EBF1: variants seen among roughly 807,000 people sequenced by gnomAD.
EBF1 encodes the protein EBF transcription factor 1, also known as transcription factor COE1.
In EBF1, 10 loss-of-function variants were observed where a neutral mutation model predicts 68.4. That is an observed-to-expected ratio of 0.15 (90% CI 0.09 to 0.25). EBF1 has a LOEUF of 0.25. Ranked by LOEUF, EBF1 falls within the 10% of genes least tolerant of loss-of-function variation. The pLI is 1.00. For missense variants in EBF1, 509 were observed against 794.4 expected, an observed-to-expected ratio of 0.64 and a Z score of 4.32; for synonymous variants, 298 against 299.8, an observed-to-expected ratio of 0.99 and a Z score of 0.06.
Position 158,703,739 on chromosome 5 carries a change from T to C in EBF1, c.1744+4240A>G, listed in dbSNP as rs1040711965. Among the ~76,000 whole-genome samples, 27 of 152,190 alleles carry C rather than the reference T, an allele frequency of 1.8e-4. 1 individual carries two copies. The highest frequency in any genetic ancestry group is 5.1e-4 in the African/African-American group (21 of 41,450). On this transcript the variant is annotated intron_variant, in intron 15 of 15. Transcript: ENST00000313708. ...CCGCATGTTATCCAGGACATGTCTG[T>C]CTCTGCTTCTTGGCTAAGGTTGTCC...
At chr5:159,029,360 G>C (rs973552674) in intron 6 of EBF1, among the ~76,000 whole-genome samples, 2 of 152,198 alleles carry the variant, frequency 1.3e-5, no homozygotes, top group African/African-American at 4.8e-5. Context: ...TATGCATTGA[G>C]AGCCATGAAA....
intron 6 of EBF1, among the ~76,000 whole-genome samples, chr5:159,054,030 G>T (rs192820307): frequency 6.6e-6 from 1 of 152,188 alleles, no homozygotes; most frequent in Non-Finnish European, 1.5e-5. Flanking sequence ...GTCATTAATC[G>T]TTACCGAATT....
At chr5:158,743,839 T>G (rs1346159678) in intron 10 of EBF1, among the ~76,000 whole-genome samples, 2 of 151,972 alleles carry the variant, frequency 1.3e-5, no homozygotes, top group East Asian at 3.9e-4. Context: ...TGCCAGAAGA[T>G]CTAGGTAAAA....
intron 6 of EBF1, among the ~76,000 whole-genome samples, chr5:159,027,930 C>A (rs1239791413): frequency 6.6e-6 from 1 of 152,162 alleles, no homozygotes; most frequent in Non-Finnish European, 1.5e-5. Flanking sequence ...CATTTACTCT[C>A]TTCTGGAAAA....
chr5:158,873,732 C>A (rs1385792801), intron 6 of EBF1, among the ~76,000 whole-genome samples: 1 of 152,136 alleles, frequency 6.6e-6, no homozygotes, highest in Admixed American at 6.5e-5. Context: ...AGATTCCCAC[C>A]AAACAAGGAC....
chr5:159,048,282 A>G lies in EBF1; in HGVS notation c.554+25114T>C, dbSNP rs149113757. Among the ~76,000 whole-genome samples, 21 of 152,336 alleles carry G rather than the reference A, an allele frequency of 1.4e-4. No individual in the cohort carries two copies. The East Asian group carries it at 3.3e-3, about 24-fold the overall frequency. Reference sequence around the variant, plus strand: ...GATGGACTATCAAGCTTCCCTCCCCATAGGAACTTTACACTCAGCTTCTAT... The same window carrying G: ...GATGGACTATCAAGCTTCCCTCCCCGTAGGAACTTTACACTCAGCTTCTAT... On this transcript the variant is annotated intron_variant, in intron 6 of 15. Transcript: ENST00000313708.
At chr5:159,078,549 C>G (rs549158177) in intron 5 of EBF1, among the ~76,000 whole-genome samples, 1 of 152,282 alleles carries the variant, frequency 6.6e-6, no homozygotes, top group East Asian at 1.9e-4. Flanking sequence ...GGGCACTGTA[C>G]CAGGCACAGA....
In EBF1 at chr5:158,697,411, T is replaced by A. The variant is rs1317809592; in HGVS notation, c.*1700A>T. 1 of 205,906 alleles carries A rather than the reference T, an allele frequency of 4.9e-6. No individual in the cohort carries two copies. Among genetic ancestry groups the A allele is most frequent in the African/African-American group, 2.3e-5 (1 of 43,738 alleles). The allele number at this position is 205,906 out of a possible 1,614,324, so 12.8% of individuals were successfully genotyped here. On this transcript the variant is annotated 3_prime_UTR_variant, in exon 16 of 16. Transcript: ENST00000313708. ...ACTAAAAATAACTATAAATGAAATG[T>A]TTAAAAATCACATTGAAACAGCTAA...
intron 4 of EBF1, among the ~76,000 whole-genome samples, chr5:159,090,531 G>A (rs898775729): frequency 1.2e-4 from 18 of 152,246 alleles, no homozygotes; most frequent in South Asian, 4.1e-4. Flanking sequence ...GGAAAGTTGC[G>A]AAGGAATGAT....
intron 8 of EBF1, among the ~76,000 whole-genome samples, chr5:158,818,531 A>G (rs975221414): frequency 6.6e-6 from 1 of 152,162 alleles, no homozygotes; most frequent in African/African-American, 2.4e-5. Flanking sequence ...ACCTGACTCT[A>G]TTTCTCCAAA....
chr5:158,831,368 C>T (rs1787521194), intron 7 of EBF1, among the ~76,000 whole-genome samples: 1 of 152,142 alleles, frequency 6.6e-6, no homozygotes, highest in Non-Finnish European at 1.5e-5. Flanking sequence ...GTCACTTAGT[C>T]ATAGGAATAC....
chr5:158,766,676 A>G (rs1772728475), intron 10 of EBF1, among the ~76,000 whole-genome samples: 1 of 152,206 alleles, frequency 6.6e-6, no homozygotes, highest in South Asian at 2.1e-4. Flanking sequence ...TGGCTGTCCA[A>G]TGATAGAGGA....
At chr5:158,774,563 GA>G (rs777328072) in intron 10 of EBF1, among the ~76,000 whole-genome samples, 1 of 152,084 alleles carries the variant, frequency 6.6e-6, no homozygotes, top group Non-Finnish European at 1.5e-5. Flanking sequence ...CTCACATCTT[GA>G]AATACTATGG....
intron 8 of EBF1, among the ~76,000 whole-genome samples, chr5:158,800,372 C>T (rs1780362575): frequency 6.6e-6 from 1 of 151,910 alleles, no homozygotes; most frequent in South Asian, 2.1e-4. Flanking sequence ...TATAACTGTC[C>T]CCAGCAGGTC....
At chr5:159,094,577 T>A (rs73305741) in intron 4 of EBF1, among the ~76,000 whole-genome samples, 2,167 of 152,294 alleles carry the variant, frequency 0.014, 48 homozygotes, top group African/African-American at 0.049. Context: ...TATGCATATA[T>A]ACCCTAATTT....
intron 6 of EBF1, among the ~76,000 whole-genome samples, chr5:159,057,045 A>C (rs1223457947): frequency 2.0e-5 from 3 of 150,490 alleles, no homozygotes; most frequent in African/African-American, 4.9e-5. Flanking sequence ...TTATGATGGG[A>C]TATTCTGTAG....
At chr5:158,931,442 G>A (rs1003212961) in intron 6 of EBF1, among the ~76,000 whole-genome samples, 1 of 152,232 alleles carries the variant, frequency 6.6e-6, no homozygotes, top group South Asian at 2.1e-4. Flanking sequence ...GCAAGGGGTT[G>A]AATTAGATGA....
rs189862347 is a variant in EBF1, at chr5:159,038,467, A to G, written c.554+34929T>C. 3.3e-3 allele frequency among the ~76,000 whole-genome samples: 500 copies of G among 152,344 alleles called. 4 individuals carry two copies. Among genetic ancestry groups the G allele is most frequent in the African/African-American group, 0.012 (479 of 41,572 alleles). ...AAGACTCACGGTCAAAACAACTTAA[A>G]AAAAATCAAATGCAGGGTGGCACTA... On this transcript the variant is annotated intron_variant, in intron 6 of 15. Coordinates refer to ENST00000313708, the MANE Select transcript of EBF1 (RefSeq NM_024007.5).
chr5:158,731,916 T>C (rs1236682127), intron 10 of EBF1, among the ~76,000 whole-genome samples: 3 of 152,168 alleles, frequency 2.0e-5, no homozygotes, highest in African/African-American at 7.2e-5. Context: ...TGTGTGCACA[T>C]TGACTACACA....
Sources: allele counts gnomAD v4.1 joint callset (sites outside exome capture counted in the v4.1 genomes callset), GRCh38; gene constraint gnomAD v4.1.1; transcripts MANE v1.5; gene names NCBI Gene and HGNC (gene_info 2026-07-23, HGNC 2026-07-21).